POFUT1: variants seen among roughly 807,000 people sequenced by gnomAD.
The protein encoded by POFUT1 is protein O-fucosyltransferase 1, also known as GDP-fucose protein O-fucosyltransferase 1.
POFUT1 carries 16 observed loss-of-function variants against 42.4 expected under a neutral mutation model. The ratio of observed to expected loss-of-function variants is 0.38; its 90% CI spans 0.26 to 0.57. The LOEUF (loss-of-function observed/expected upper bound fraction) is 0.57, where lower values mean the gene tolerates loss of function less well. Among genes scored for constraint, POFUT1 ranks in the 20% least tolerant of loss-of-function variants. The pLI is 0.71. For missense variants in POFUT1, 470 were observed against 504.6 expected, an observed-to-expected ratio of 0.93 and a Z score of 0.66; for synonymous variants, 206 against 205.4, an observed-to-expected ratio of 1.00 and a Z score of -0.03.
intron 2 of POFUT1, among the ~76,000 whole-genome samples, chr20:32,210,486 C>T (rs531166625): frequency 1.3e-5 from 2 of 152,324 alleles, no homozygotes; most frequent in East Asian, 1.9e-4. Context: ...AGTAGGAGAG[C>T]TGGAATTCAA....
chr20:32,217,499 C>T (rs1289436911), intron 4 of POFUT1: 1 of 989,622 alleles, frequency 1.0e-6, no homozygotes, highest in Admixed American at 5.9e-5. Flanking sequence ...GTAATCCCAG[C>T]ACTTTGGGAG....
intron 3 of POFUT1, 114 bp downstream of exon 3, chr20:32,215,565 A>G: frequency 1.1e-6 from 1 of 923,328 alleles, no homozygotes; most frequent in Non-Finnish European, 1.6e-6. Context: ...GAATAGAAAG[A>G]TGGAGATTTA....
chr20:32,223,545 C>T (rs569687829), intron 4 of POFUT1: 133 of 985,152 alleles, frequency 1.4e-4, no homozygotes, highest in Admixed American at 2.5e-4. Flanking sequence ...ATATTCCAGC[C>T]CCACTGGGAG....
intron 4 of POFUT1, among the ~76,000 whole-genome samples, chr20:32,219,346 C>T (rs902369332): frequency 7.9e-5 from 12 of 152,020 alleles, no homozygotes; most frequent in Non-Finnish European, 7.4e-5. Flanking sequence ...TAGTTCACAG[C>T]AGGAAGTCAG....
Position 32,234,690 on chromosome 20 carries a change from C to A in POFUT1, c.*29C>A. ...TGGCCGGAGCACCAGACCCTCTGAT[C>A]CTGGAGGGACCAGAGTCTGAGCTGG... On this transcript the variant is annotated 3_prime_UTR_variant, in exon 7 of 7. Coordinates refer to ENST00000375749, the MANE Select transcript of POFUT1 (RefSeq NM_015352.2). 1 of 1,558,044 alleles carries A rather than the reference C, an allele frequency of 6.4e-7. No homozygotes were observed. Among genetic ancestry groups the A allele is most frequent in the South Asian group, 1.2e-5 (1 of 83,990 alleles).
intron 4 of POFUT1, among the ~76,000 whole-genome samples, chr20:32,225,917 A>G (rs1268703967): frequency 6.6e-6 from 1 of 152,250 alleles, no homozygotes; most frequent in Non-Finnish European, 1.5e-5. Context: ...AGCTAGTGGC[A>G]TAGTCAACAT....
At chr20:32,225,644 C>T (rs1035128793) in intron 4 of POFUT1, among the ~76,000 whole-genome samples, 2 of 152,018 alleles carry the variant, frequency 1.3e-5, no homozygotes, top group Non-Finnish European at 2.9e-5. Flanking sequence ...CACACCACAA[C>T]ACTTGGCTAA....
intron 5 of POFUT1, among the ~76,000 whole-genome samples, chr20:32,229,965 A>T (rs1270837010): frequency 1.3e-5 from 2 of 152,090 alleles, no homozygotes; most frequent in East Asian, 3.9e-4. Flanking sequence ...TTTTGTAGAG[A>T]TGGGGTTTTG....
In POFUT1 at chr20:32,207,980, T is replaced by G. The variant is rs780725234; in HGVS notation, c.39T>G (p.Ser13=). 4.4e-6 allele frequency: 7 copies of G among 1,594,438 alleles called. No individual in the cohort carries two copies. Among genetic ancestry groups the G allele is most frequent in the Middle Eastern group, 3.4e-4 (2 of 5,858 alleles). The part of the protein sequence containing the change: ...AAAWARPLSV[S]FLLLLLPLPG... The stretch of plus-strand genomic sequence containing the variant: ...CGTGGGCACGGCCGCTGAGCGTGTC[T>G]TTCCTGCTGCTGCTTCTGCCGCTCC... Residue 13 remains serine (S), a synonymous_variant, in exon 1 of 7, where the codon TCT becomes TCG. Transcript: ENST00000375749.
chr20:32,227,952 C>T (rs76143353), intron 4 of POFUT1, among the ~76,000 whole-genome samples: 6,071 of 152,224 alleles, frequency 0.04, 165 homozygotes, highest in Admixed American at 0.063. Context: ...ATTACTGCAC[C>T]GCAGATTGGA....
chr20:32,213,225 T>C (rs2047339783), intron 2 of POFUT1, among the ~76,000 whole-genome samples: 1 of 151,606 alleles, frequency 6.6e-6, no homozygotes, highest in Non-Finnish European at 1.5e-5. Flanking sequence ...CCAGGCGCAG[T>C]GGGAGGCGGG....
chr20:32,215,542 C>A, intron 3 of POFUT1, 91 bp downstream of exon 3: 2 of 1,091,322 alleles, frequency 1.8e-6, no homozygotes, highest in African/African-American at 1.6e-5. Context: ...GGGAAAAGCA[C>A]CAGAAGGACT....
chr20:32,234,624 G>T lies in POFUT1; in HGVS notation c.1130G>T (p.Gly377Val). Reference sequence around the variant, plus strand: ...CAGGGGAGGCCGTCTTCTTTCTTCGGCATGGACAGGCCCCCTAAGCTGCGG... The same window carrying T: ...CAGGGGAGGCCGTCTTCTTTCTTCGTCATGGACAGGCCCCCTAAGCTGCGG... Reference protein sequence around the residue: ...DLQGRPSSFFGMDRPPKLRDE... With the variant: ...DLQGRPSSFFVMDRPPKLRDE... The change falls in exon 7 of 7, where the codon GGC becomes GTC. Residue 377 changes from glycine to valine, a missense_variant. By Grantham distance (109) the Gly-to-Val change is moderately radical. Transcript: ENST00000375749. The T allele has an allele frequency of 6.2e-7, 1 of 1,613,486 alleles. No individual in the cohort carries two copies. The highest frequency in any genetic ancestry group is 8.5e-7 in the Non-Finnish European group (1 of 1,179,626).
rs115276055 is a variant in POFUT1, at chr20:32,208,622, T to A, written c.124+557T>A. ...TGAAGCCAGGAGCTCGAGATCAGCC[T>A]AGGCAACATAGTGAAAATCCAATCT... On this transcript the variant is annotated intron_variant, in intron 1 of 6. Coordinates refer to ENST00000375749, the MANE Select transcript of POFUT1 (RefSeq NM_015352.2). Among the ~76,000 whole-genome samples, 170 of 123,820 alleles carry A rather than the reference T, an allele frequency of 1.4e-3. 1 individual carries two copies. The highest frequency in any genetic ancestry group is 5.2e-3 in the African/African-American group (157 of 30,316). The allele number at this position is 123,820 out of a possible 152,430, so 81.2% of individuals were successfully genotyped here. A position where few individuals can be genotyped will look rare whatever the true frequency, so the allele number is the denominator to read the frequency against.
At chr20:32,218,076 A>G (rs1454841649) in intron 4 of POFUT1, among the ~76,000 whole-genome samples, 1 of 152,228 alleles carries the variant, frequency 6.6e-6, no homozygotes, top group Non-Finnish European at 1.5e-5. Context: ...GCCCAAGGTC[A>G]TAAAGCTTGA....
intron 4 of POFUT1, chr20:32,217,593 C>T: frequency 1.0e-6 from 1 of 986,232 alleles, no homozygotes; most frequent in Non-Finnish European, 1.2e-6. Context: ...GCCCAGGTTA[C>T]AGAGCAAGGG....
Position 32,235,648 on chromosome 20 carries a change from AG to A in POFUT1, c.*988del, listed in dbSNP as rs1442671091. The stretch of plus-strand genomic sequence containing the variant: ...CAGAAGCCATCAGAATTATCAGTGG[AG>A]AAGCACCTTTTGACTCTTCCCTTCC... On this transcript the variant is annotated 3_prime_UTR_variant, in exon 7 of 7. Transcript: ENST00000375749. 6.6e-6 allele frequency: 1 copy of A among 152,288 alleles called. No individual in the cohort carries two copies. The highest frequency in any genetic ancestry group is 1.5e-5 in the Non-Finnish European group (1 of 68,082). 9.4% of individuals were successfully genotyped at this position (152,288 alleles called of 1,614,324 possible). A position where few individuals can be genotyped will look rare whatever the true frequency, so the allele number is the denominator to read the frequency against.
In POFUT1 at chr20:32,234,801, G is replaced by A. The variant is rs2047461588; in HGVS notation, c.*140G>A. 1 of 728,624 alleles carries A rather than the reference G, an allele frequency of 1.4e-6. No homozygotes were observed. Among genetic ancestry groups the A allele is most frequent in the Non-Finnish European group, 2.2e-6 (1 of 458,724 alleles). The allele number at this position is 728,624 out of a possible 1,614,324, so 45.1% of individuals were successfully genotyped here. On this transcript the variant is annotated 3_prime_UTR_variant, in exon 7 of 7. Transcript: ENST00000375749. Reference sequence around the variant, plus strand: ...TGCCAAAGATGGAGAAGAGTGCCAGGGACCCCTCAAGGAGGGAGACGCTCC... The same window carrying A: ...TGCCAAAGATGGAGAAGAGTGCCAGAGACCCCTCAAGGAGGGAGACGCTCC...
Position 32,207,994 on chromosome 20 carries a change from T to C in POFUT1, c.53T>C (p.Leu18Pro). ...CTGAGCGTGTCTTTCCTGCTGCTGC[T>C]TCTGCCGCTCCCGGGGATGCCTGCG... ...RPLSVSFLLL[L>P]LPLPGMPAGS... Residue 18 changes from leucine to proline, a missense_variant, in exon 1 of 7, where the codon CTT becomes CCT. Leu to Pro is a moderately conservative substitution (Grantham distance 98). Coordinates refer to ENST00000375749, the MANE Select transcript of POFUT1 (RefSeq NM_015352.2). The C allele has an allele frequency of 1.3e-6, 2 of 1,594,236 alleles. No individual in the cohort carries two copies. Among genetic ancestry groups the C allele is most frequent in the Non-Finnish European group, 1.7e-6 (2 of 1,175,310 alleles).
Sources: gnomAD v4.1 joint callset for allele counts (sites outside exome capture counted in the v4.1 genomes callset) on GRCh38, gnomAD v4.1.1 for gene constraint, MANE v1.5 for transcripts, NCBI Gene and HGNC (gene_info 2026-07-23, HGNC 2026-07-21) for gene names.